Variants in LINGO2 observed in about 807,000 individuals in gnomAD.
The protein encoded by LINGO2 is leucine rich repeat and Ig domain containing 2, also known as leucine-rich repeat and immunoglobulin-like domain-containing nogo receptor-interacting protein 2.
A neutral mutation model predicts 30.6 loss-of-function variants in LINGO2; 14 were observed. The observed-to-expected ratio is 0.46, with a 90% CI of 0.30 to 0.72. LINGO2 has a LOEUF of 0.72. Among genes scored for constraint, LINGO2 ranks in the 30% least tolerant of loss-of-function variants. The pLI is 0.07. For synonymous variants in LINGO2, 317 were observed against 288.5 expected, an observed-to-expected ratio of 1.10 and a Z score of -1.00; for missense variants, 729 against 751.7, an observed-to-expected ratio of 0.97 and a Z score of 0.35.
At chr9:28,694,056 C>T in the LINGO2 span, among the ~76,000 whole-genome samples, 1 of 151,752 alleles carries the variant, frequency 6.6e-6, no homozygotes, top group South Asian at 2.1e-4. Flanking sequence ...ATTATTGCTT[C>T]CAGCTATAAC....
At chr9:28,210,768 A>G (rs73645615) in intron 4 of LINGO2, among the ~76,000 whole-genome samples, 7,515 of 151,528 alleles carry the variant, frequency 0.05, 242 homozygotes, top group African/African-American at 0.086. Context: ...CATTTCCATG[A>G]GTATTTTGTG....
At chr9:28,286,331 A>T (rs929742485) in intron 4 of LINGO2, among the ~76,000 whole-genome samples, 2 of 152,222 alleles carry the variant, frequency 1.3e-5, no homozygotes, top group African/African-American at 4.8e-5. Context: ...AAGGTTGTGG[A>T]GAAAAAGGAA....
the LINGO2 span, among the ~76,000 whole-genome samples, chr9:29,116,962 A>G: frequency 3.3e-5 from 5 of 152,162 alleles, no homozygotes; most frequent in Non-Finnish European, 7.4e-5. Flanking sequence ...ATACTATGAT[A>G]TATTAGAAAG....
intron 5 of LINGO2, among the ~76,000 whole-genome samples, chr9:27,988,935 C>G (rs1821257158): frequency 1.3e-5 from 2 of 151,916 alleles, no homozygotes; most frequent in Admixed American, 6.6e-5. Flanking sequence ...ATTCTTATCA[C>G]TTCCACTGCT....
chr9:29,031,272 GATTTATTT>G, the LINGO2 span, among the ~76,000 whole-genome samples: 1 of 146,256 alleles, frequency 6.8e-6, no homozygotes, highest in African/African-American at 2.5e-5. Flanking sequence ...TGGTGGTGGT[GATTTATTT>G]ATTTATTTAT....
the LINGO2 span, among the ~76,000 whole-genome samples, chr9:28,883,630 A>G: frequency 0.34 from 7,855 of 23,270 alleles, 1,428 homozygotes; most frequent in African/African-American, 0.5. Flanking sequence ...GTGTGTGTGT[A>G]TATATATATA....
At chr9:28,445,602 T>C (rs985594607) in intron 2 of LINGO2, among the ~76,000 whole-genome samples, 1 of 152,214 alleles carries the variant, frequency 6.6e-6, no homozygotes, top group African/African-American at 2.4e-5. Context: ...CTTTGTTCCA[T>C]CAGAATAATG....
intron 2 of LINGO2, among the ~76,000 whole-genome samples, chr9:28,377,347 A>G (rs1023242774): frequency 6.6e-6 from 1 of 152,136 alleles, no homozygotes; most frequent in Non-Finnish European, 1.5e-5. Flanking sequence ...TATATTTTCT[A>G]TCCCTTATGA....
intron 1 of LINGO2, among the ~76,000 whole-genome samples, chr9:28,658,348 T>A (rs900773437): frequency 2.0e-5 from 3 of 152,044 alleles, no homozygotes; most frequent in Non-Finnish European, 2.9e-5. Context: ...TCAAGTCTCC[T>A]ACTATTATTG....
At chr9:28,552,403 T>C (rs1045966125) in intron 1 of LINGO2, among the ~76,000 whole-genome samples, 4 of 152,090 alleles carry the variant, frequency 2.6e-5, no homozygotes, top group Non-Finnish European at 5.9e-5. Flanking sequence ...GAACCCTAGA[T>C]TATAACTCAT....
chr9:27,980,021 G>C (rs753861928), intron 5 of LINGO2, among the ~76,000 whole-genome samples: 2 of 151,850 alleles, frequency 1.3e-5, no homozygotes, highest in African/African-American at 2.4e-5. Flanking sequence ...ACATGTGAAG[G>C]GGACAGGACT....
At chr9:28,076,538 A>C (rs766795122) in intron 4 of LINGO2, among the ~76,000 whole-genome samples, 1 of 152,054 alleles carries the variant, frequency 6.6e-6, no homozygotes, top group Non-Finnish European at 1.5e-5. Context: ...AATAGGTTTA[A>C]ATCTCCCAAC....
the LINGO2 span, among the ~76,000 whole-genome samples, chr9:29,149,511 G>A: frequency 2.0e-5 from 3 of 151,982 alleles, no homozygotes; most frequent in Non-Finnish European, 4.4e-5. Context: ...GAGGCAACGC[G>A]GGCACCGAGA....
chr9:28,756,315 G>A, the LINGO2 span, among the ~76,000 whole-genome samples: 3 of 152,014 alleles, frequency 2.0e-5, no homozygotes, highest in Non-Finnish European at 4.4e-5. Context: ...CCCATTTGGA[G>A]CTGGAACATT....
At chr9:28,941,676 T>G in the LINGO2 span, among the ~76,000 whole-genome samples, 1 of 152,152 alleles carries the variant, frequency 6.6e-6, no homozygotes, top group South Asian at 2.1e-4. Flanking sequence ...ATTTTTACAC[T>G]CCCATACCTT....
At chr9:28,650,609 T>A (rs1828052886) in intron 1 of LINGO2, among the ~76,000 whole-genome samples, 1 of 152,172 alleles carries the variant, frequency 6.6e-6, no homozygotes, top group Admixed American at 6.5e-5. Flanking sequence ...GCTTCTGACC[T>A]CTCTGACGTC....
intron 4 of LINGO2, among the ~76,000 whole-genome samples, chr9:28,254,967 A>C (rs1305944017): frequency 6.6e-6 from 1 of 151,974 alleles, no homozygotes; most frequent in Non-Finnish European, 1.5e-5. Context: ...CTATGTGTCC[A>C]TGTGTTCTCA....
chr9:28,841,412 T>C, the LINGO2 span, among the ~76,000 whole-genome samples: 12 of 151,872 alleles, frequency 7.9e-5, no homozygotes, highest in Non-Finnish European at 1.5e-4. Context: ...AAAGTATTAG[T>C]ACTTTACACT....
chr9:28,613,780 A>C (rs770316261), intron 1 of LINGO2, among the ~76,000 whole-genome samples: 11 of 152,186 alleles, frequency 7.2e-5, no homozygotes, highest in Non-Finnish European at 1.3e-4. Context: ...ACTATTTCAA[A>C]GAGTTAAATT....
Sources: allele counts gnomAD v4.1 joint callset (sites outside exome capture counted in the v4.1 genomes callset), GRCh38; gene constraint gnomAD v4.1.1; transcripts MANE v1.5; gene names NCBI Gene and HGNC (gene_info 2026-07-23, HGNC 2026-07-21).